ADGRL3: variants seen among roughly 807,000 people sequenced by gnomAD.
ADGRL3 encodes adhesion G protein-coupled receptor L3.
In ADGRL3, 62 loss-of-function variants were observed where a neutral mutation model predicts 153.5. The ratio of observed to expected loss-of-function variants is 0.40; its 90% CI spans 0.33 to 0.50. The LOEUF is 0.50. ADGRL3 is among the 20% of genes least tolerant of loss of function. ADGRL3 has a pLI of 0.47. For synonymous variants in ADGRL3, 710 were observed against 672.5 expected (o/e 1.06, Z -0.86); for missense variants, 1,641 against 1,859.4 (o/e 0.88, Z 2.16).
chr4:61,284,267 G>A (rs1403037742), intron 1 of ADGRL3, among the ~76,000 whole-genome samples: 1 of 151,918 alleles, frequency 6.6e-6, no homozygotes, highest in African/African-American at 2.4e-5. Flanking sequence ...TTTAGAGGTA[G>A]CAGCTCACCA....
intron 5 of ADGRL3, among the ~76,000 whole-genome samples, chr4:61,620,562 C>A (rs2092426995): frequency 6.8e-6 from 1 of 147,780 alleles, no homozygotes. Flanking sequence ...TCCTTCACTT[C>A]TTAAAGAAGT....
At chr4:61,687,740 G>T (rs1371360615) in intron 6 of ADGRL3, among the ~76,000 whole-genome samples, 1 of 151,920 alleles carries the variant, frequency 6.6e-6, no homozygotes, top group African/African-American at 2.4e-5. Flanking sequence ...AGTTGTTTAT[G>T]AATATACATG....
intron 1 of ADGRL3, among the ~76,000 whole-genome samples, chr4:61,234,890 C>T (rs1466790738): frequency 2.0e-5 from 3 of 152,112 alleles, no homozygotes; most frequent in Non-Finnish European, 4.4e-5. Context: ...TCATAGACAG[C>T]TGTGAAGTTT....
intron 10 of ADGRL3, among the ~76,000 whole-genome samples, chr4:61,893,427 G>C (rs1381441538): frequency 2.0e-5 from 3 of 152,054 alleles, no homozygotes; most frequent in Non-Finnish European, 4.4e-5. Flanking sequence ...CTGGGAGTTA[G>C]ACTCATGCTT....
chr4:61,588,003 A>G (rs1375908939), intron 5 of ADGRL3, among the ~76,000 whole-genome samples: 1 of 151,974 alleles, frequency 6.6e-6, no homozygotes, highest in Non-Finnish European at 1.5e-5. Context: ...TTAACATCAT[A>G]TAAATGAATG....
At chr4:61,840,543 C>T (rs967847980) in intron 9 of ADGRL3, among the ~76,000 whole-genome samples, 15 of 152,160 alleles carry the variant, frequency 9.9e-5, no homozygotes, top group African/African-American at 3.6e-4. Flanking sequence ...CCTTCAACTG[C>T]GGAAATACTA....
intron 21 of ADGRL3, among the ~76,000 whole-genome samples, chr4:62,021,157 A>C (rs149278221): frequency 6.6e-6 from 1 of 152,092 alleles, no homozygotes; most frequent in Admixed American, 6.6e-5. Flanking sequence ...AGGTCAATAC[A>C]CAACAGCAAT....
At chr4:61,372,831 G>A (rs1041875129) in intron 1 of ADGRL3, among the ~76,000 whole-genome samples, 3 of 152,252 alleles carry the variant, frequency 2.0e-5, no homozygotes, top group East Asian at 1.9e-4. Context: ...CCCCAGTCTC[G>A]CTGCCGCCTT....
chr4:61,432,594 C>CTT lies in ADGRL3; in HGVS notation c.-174+49407_-174+49408dup, dbSNP rs1560622795. On this transcript the variant is annotated intron_variant, in intron 2 of 26. Coordinates refer to ENST00000683033, the MANE Select transcript of ADGRL3 (RefSeq NM_001387552.1). ...TCTTCCTTTCTTTCTTTCTTTCTTT[C>CTT]TTTCTTTCTTTCTTTCTTTCTTTCT... Among the ~76,000 whole-genome samples the CTT allele has an allele frequency of 9.0e-4, 13 of 14,366 alleles. 3 individuals are homozygous for CTT. Among genetic ancestry groups the CTT allele is most frequent in the Admixed American group, 4.8e-3 (6 of 1,254 alleles). The allele number at this position is 14,366 out of a possible 152,430, so 9.4% of individuals were successfully genotyped here.
chr4:61,380,688 A>G (rs2096656963), intron 1 of ADGRL3, among the ~76,000 whole-genome samples: 1 of 152,024 alleles, frequency 6.6e-6, no homozygotes, highest in Non-Finnish European at 1.5e-5. Flanking sequence ...TTCGAACGAT[A>G]TGGAACTATA....
At chr4:61,356,484 A>G (rs960747279) in intron 1 of ADGRL3, among the ~76,000 whole-genome samples, 1 of 152,120 alleles carries the variant, frequency 6.6e-6, no homozygotes, top group Non-Finnish European at 1.5e-5. Flanking sequence ...TAATGATCAT[A>G]TACAACAGCT....
intron 9 of ADGRL3, among the ~76,000 whole-genome samples, chr4:61,819,308 T>G (rs1179948153): frequency 6.6e-6 from 1 of 152,022 alleles, no homozygotes; most frequent in African/African-American, 2.4e-5. Flanking sequence ...CTCCAGTAAT[T>G]TTTTTTGTGA....
chr4:61,985,521 A>G (rs540853937), intron 19 of ADGRL3, among the ~76,000 whole-genome samples: 1 of 152,222 alleles, frequency 6.6e-6, no homozygotes, highest in South Asian at 2.1e-4. Context: ...AGGTTAGATA[A>G]CTTCAATTTG....
intron 1 of ADGRL3, among the ~76,000 whole-genome samples, chr4:61,280,418 G>GAAA (rs1178146895): frequency 6.6e-6 from 1 of 151,154 alleles, no homozygotes; most frequent in Non-Finnish European, 1.5e-5. Flanking sequence ...TTATTTTCAA[G>GAAA]AAGTATAAAT....
At chr4:62,069,666 C>T (rs1744794994) in intron 26 of ADGRL3, among the ~76,000 whole-genome samples, 1 of 151,882 alleles carries the variant, frequency 6.6e-6, no homozygotes, top group South Asian at 2.1e-4. Flanking sequence ...AATATTATAC[C>T]TATTTTGATG....
intron 9 of ADGRL3, among the ~76,000 whole-genome samples, chr4:61,828,821 CAT>C (rs558696433): frequency 1.8e-4 from 28 of 152,310 alleles, no homozygotes; most frequent in Admixed American, 1.0e-3. Context: ...AAGCAAATGT[CAT>C]ATGAAAAGCT....
intron 5 of ADGRL3, among the ~76,000 whole-genome samples, chr4:61,605,192 AAAGT>A (rs1250028710): frequency 6.6e-6 from 1 of 151,928 alleles, no homozygotes; most frequent in Non-Finnish European, 1.5e-5. Flanking sequence ...TTATAAAAAG[AAAGT>A]ATCTTGCAAC....
chr4:61,456,372 TATCTATATATATATATAG>T (rs2097738891), intron 2 of ADGRL3, among the ~76,000 whole-genome samples: 1 of 135,840 alleles, frequency 7.4e-6, no homozygotes, highest in South Asian at 2.3e-4. Context: ...GATATAGATA[TATCTATATATATATATAG>T]ATATATCTAT....
intron 1 of ADGRL3, among the ~76,000 whole-genome samples, chr4:61,263,106 C>T (rs1044553532): frequency 3.9e-5 from 6 of 151,900 alleles, no homozygotes; most frequent in South Asian, 4.2e-4. Context: ...AAGTAGATAA[C>T]GAATAGCTAA....
Sources: gnomAD v4.1 joint callset for allele counts (sites outside exome capture counted in the v4.1 genomes callset) on GRCh38, gnomAD v4.1.1 for gene constraint, MANE v1.5 for transcripts, NCBI Gene and HGNC (gene_info 2026-07-23, HGNC 2026-07-21) for gene names.